Variants in RELT observed in about 807,000 individuals in gnomAD.
The protein encoded by RELT is RELT TNF receptor, also known as tumor necrosis factor receptor superfamily member 19L.
RELT carries 37 observed loss-of-function variants against 51.1 expected under a neutral mutation model. The ratio of observed to expected loss-of-function variants is 0.72; its 90% CI spans 0.56 to 0.95. The LOEUF is 0.95. Among genes scored for constraint, RELT ranks in the 40% least tolerant of loss-of-function variants. The probability of loss-of-function intolerance (pLI) is 0.00; values close to 1 mark genes in which losing one functional copy is unlikely to be tolerated. For synonymous variants in RELT, 241 were observed against 235.7 expected, an observed-to-expected ratio of 1.02 and a Z score of -0.21; for missense variants, 535 against 572.6, an observed-to-expected ratio of 0.93 and a Z score of 0.67.
In RELT at chr11:73,390,863, C is replaced by T. The variant is rs756861309; in HGVS notation, c.229C>T (p.Leu77=). ...TGCCCGTTGCAGCCTTTGGAGGAGG[C>T]TGGAGGCCCAGGTGGGCATGGCAAC... ...PHARCSLWRR[L]EAQVGMATRD... Residue 77 remains leucine (L), a synonymous_variant, in exon 4 of 11, where the codon CTG becomes TTG. Coordinates refer to ENST00000064780, the MANE Select transcript of RELT (RefSeq NM_152222.2). The T allele has an allele frequency of 2.5e-6, 4 of 1,613,256 alleles. No homozygotes were observed. In the South Asian group the frequency reaches 4.4e-5, roughly 18 times the overall value.
chr11:73,390,509 C>T, intron 2 of RELT, 42 bp from the exon 3 acceptor site: 6 of 1,580,388 alleles, frequency 3.8e-6, no homozygotes, highest in Non-Finnish European at 4.4e-6. Context: ...AGACCCCACA[C>T]CCAGCACTTT....
At position 73,394,191 on chromosome 11, in the gene RELT, T is replaced by C. The variant is rs916858439; in HGVS notation, c.707-45T>C. ...CTGCTGGGGCAGGGGGTGGGAGGTGTGTCCCATATGGCCACAGTGAGGGTC... is the reference window on the plus strand; with the variant it reads ...CTGCTGGGGCAGGGGGTGGGAGGTGCGTCCCATATGGCCACAGTGAGGGTC... On this transcript the variant is annotated intron_variant, in intron 7 of 10. Coordinates refer to ENST00000064780, the MANE Select transcript of RELT (RefSeq NM_152222.2). The surrounding 1 kb of genome is among the most constrained non-coding windows in gnomAD (Gnocchi z 4.9). 1.3e-6 allele frequency: 2 copies of C among 1,525,134 alleles called. No homozygotes were observed. Among genetic ancestry groups the C allele is most frequent in the Non-Finnish European group, 1.8e-6 (2 of 1,120,726 alleles). 94.5% of individuals were successfully genotyped at this position (1,525,134 alleles called of 1,614,324 possible). A position where few individuals can be genotyped will look rare whatever the true frequency, so the allele number is the denominator to read the frequency against.
At chr11:73,391,001 C>T (rs1866205071) in intron 4 of RELT, 80 bp downstream of exon 4, 3 of 1,551,646 alleles carry the variant, frequency 1.9e-6, no homozygotes, top group South Asian at 2.3e-5. Context: ...CTTATTGTAC[C>T]CTGAGCAGGC....
intron 5 of RELT, among the ~76,000 whole-genome samples, chr11:73,391,568 G>C (rs541410586): frequency 4.6e-5 from 7 of 152,188 alleles, no homozygotes; most frequent in Non-Finnish European, 8.8e-5. Context: ...CACTTTGGGA[G>C]GCCAAGGCAG....
chr11:73,391,151 G>A lies in RELT; in HGVS notation c.295G>A (p.Gly99Arg), dbSNP rs756271036. The change falls in exon 5 of 11, where the codon GGG becomes AGG. Residue 99 changes from glycine to arginine, a missense_variant. Physicochemically the swap from Gly to Arg is moderately radical, Grantham distance 125 (BLOSUM62 -2). Coordinates refer to ENST00000064780, the MANE Select transcript of RELT (RefSeq NM_152222.2). Reference protein sequence around the residue: ...LCGDCWPGWFGPWGVPRVPCQ... With the variant: ...LCGDCWPGWFRPWGVPRVPCQ... ...TATCTTCCCTCCTCGCAGGTGGTTT[G>A]GGCCTTGGGGGGTTCCCCGCGTTCC... 15 of 1,613,530 alleles carry A rather than the reference G, an allele frequency of 9.3e-6. No homozygotes were observed. The Admixed American group carries it at 2.3e-4, about 25-fold the overall frequency.
At chr11:73,382,602 C>T (rs1055083695) in intron 1 of RELT, among the ~76,000 whole-genome samples, 1 of 152,228 alleles carries the variant, frequency 6.6e-6, no homozygotes. Flanking sequence ...AGGCAGGGGT[C>T]GCCTGCCAGT....
rs1866292179 is a variant in RELT, at chr11:73,395,129, G to T, written c.1089G>T (p.Met363Ile). 6.2e-7 allele frequency: 1 copy of T among 1,613,692 alleles called. No homozygotes were observed. The highest frequency in any genetic ancestry group is 8.5e-7 in the Non-Finnish European group (1 of 1,180,026). Residue 363 changes from methionine to isoleucine, a missense_variant, in exon 10 of 11, where the codon ATG (methionine) becomes ATT (isoleucine). Physicochemically the swap from Met to Ile is conservative, Grantham distance 10. Transcript: ENST00000064780. ...ARIPEQRTSS[M>I]VSEVKTITEA... The stretch of plus-strand genomic sequence containing the variant: ...TTCCTGAGCAGCGGACAAGTTCAAT[G>T]GTGTCTGAGGTGAAGACCATCACGG...
At chr11:73,395,327 A>G (rs767602176) in intron 10 of RELT, 42 bp downstream of exon 10, 1 of 1,606,250 alleles carries the variant, frequency 6.2e-7, no homozygotes, top group Non-Finnish European at 8.5e-7. Flanking sequence ...ACCTGGGCCA[A>G]CCCTGACCGA....
chr11:73,394,995 C>A lies in RELT; in HGVS notation c.1047-92C>A. 1.7e-6 allele frequency: 2 copies of A among 1,191,702 alleles called. No homozygotes were observed. The highest frequency in any genetic ancestry group is 1.2e-6 in the Non-Finnish European group (1 of 820,952). The allele number at this position is 1,191,702 out of a possible 1,614,324, so 73.8% of individuals were successfully genotyped here. On this transcript the variant is annotated intron_variant, in intron 9 of 10. Coordinates refer to ENST00000064780, the MANE Select transcript of RELT (RefSeq NM_152222.2). This position sits in a 1 kb window ranked among gnomAD's most constrained non-coding sequence, Gnocchi z 4.9. ...GGCCTCTCAGGCTAAGGCTCTGGTCCATGAACTTGCTGTGTGACCCCGGGC... is the reference window on the plus strand; with the variant it reads ...GGCCTCTCAGGCTAAGGCTCTGGTCAATGAACTTGCTGTGTGACCCCGGGC...
intron 1 of RELT, among the ~76,000 whole-genome samples, chr11:73,379,914 G>T (rs535946970): frequency 6.6e-6 from 1 of 152,094 alleles, no homozygotes; most frequent in African/African-American, 2.4e-5. Flanking sequence ...CTTTACCCTC[G>T]CCTCTCCTTG....
chr11:73,381,278 T>TA (rs1866046324), intron 1 of RELT, among the ~76,000 whole-genome samples: 1 of 152,008 alleles, frequency 6.6e-6, no homozygotes, highest in Non-Finnish European at 1.5e-5. Flanking sequence ...TACAGCCAGT[T>TA]AGAGTCAGGG....
chr11:73,390,986 C>A (rs1866204818), intron 4 of RELT, 65 bp downstream of exon 4: 1 of 1,585,114 alleles, frequency 6.3e-7, no homozygotes. Context: ...TCCTGGGGCC[C>A]CAGCCTTATT....
rs140068362 is a variant in RELT, at chr11:73,382,625, A to G, written c.-26+6126A>G. Among the ~76,000 whole-genome samples, 882 of 152,250 alleles carry G rather than the reference A, an allele frequency of 5.8e-3. 8 individuals are homozygous for G. The highest frequency in any genetic ancestry group is 0.027 in the Middle Eastern group (8 of 294). On this transcript the variant is annotated intron_variant, in intron 1 of 10. Transcript: ENST00000064780. ...GTCGCCTGCCAGTTGCCCCTACTCC[A>G]GGGTAGGTAAACTTCATCTCCTTCA...
At chr11:73,391,860 CCT>C in intron 5 of RELT, 2 of 425,836 alleles carry the variant, frequency 4.7e-6, no homozygotes, top group Non-Finnish European at 4.4e-6. Flanking sequence ...TCAGTCACCC[CCT>C]GAGGCACTAG....
intron 5 of RELT, among the ~76,000 whole-genome samples, 199 bp downstream of exon 5, chr11:73,391,422 C>T (rs1866213353): frequency 2.6e-5 from 4 of 152,196 alleles, no homozygotes; most frequent in Admixed American, 2.6e-4. Flanking sequence ...ACCATGCTTC[C>T]GAGTGGCAGA....
chr11:73,385,498 C>T (rs184535355), intron 1 of RELT, among the ~76,000 whole-genome samples: 2 of 152,250 alleles, frequency 1.3e-5, no homozygotes, highest in East Asian at 1.9e-4. Flanking sequence ...CTGAGGAAAC[C>T]CTCCCCGCCT....
chr11:73,391,341 C>T (rs986729424), intron 5 of RELT, 118 bp downstream of exon 5: 9 of 954,148 alleles, frequency 9.4e-6, no homozygotes, highest in African/African-American at 3.3e-5. Flanking sequence ...TTCTTCCAGC[C>T]CAGGGCAGGG....
In RELT at chr11:73,388,260, T is replaced by C. The variant is rs1055336511; in HGVS notation, c.-25-852T>C. Among the ~76,000 whole-genome samples, 2 of 152,220 alleles carry C rather than the reference T, an allele frequency of 1.3e-5. No individual in the cohort carries two copies. Among genetic ancestry groups the C allele is most frequent in the Non-Finnish European group, 2.9e-5 (2 of 68,032 alleles). On this transcript the variant is annotated intron_variant, in intron 1 of 10. Transcript: ENST00000064780. This position sits in a 1 kb window ranked among gnomAD's most constrained non-coding sequence, Gnocchi z 4.1. ...TCTCTGTTTGCAGTTGGGTCTCCCC[T>C]GGGATGGAGCTCCCTGCAGACAGGG...
At position 73,388,060 on chromosome 11, in the gene RELT, T is replaced by G. The variant is rs1390660570; in HGVS notation, c.-25-1052T>G. On this transcript the variant is annotated intron_variant, in intron 1 of 10. Transcript: ENST00000064780. This position sits in a 1 kb window ranked among gnomAD's most constrained non-coding sequence, Gnocchi z 4.1. ...AATCCTTTGTCCTGCTGTGTCCGCCTCGTCCACTGGCCGGAGGCTTCTCCA... is the reference window on the plus strand; with the variant it reads ...AATCCTTTGTCCTGCTGTGTCCGCCGCGTCCACTGGCCGGAGGCTTCTCCA... Among the ~76,000 whole-genome samples, 1 of 152,190 alleles carries G rather than the reference T, an allele frequency of 6.6e-6. No homozygotes were observed. Among genetic ancestry groups the G allele is most frequent in the Non-Finnish European group, 1.5e-5 (1 of 68,032 alleles).
Sources: gnomAD v4.1 joint callset for allele counts (sites outside exome capture counted in the v4.1 genomes callset) on GRCh38, gnomAD v4.1.1 for gene constraint, Gnocchi (gnomAD v3.1) non-coding constraint, MANE v1.5 for transcripts, NCBI Gene and HGNC (gene_info 2026-07-23, HGNC 2026-07-21) for gene names.